RUNX3: variants seen among roughly 807,000 people sequenced by gnomAD.
RUNX3 encodes the protein runt-related transcription factor 3.
In RUNX3, 10 loss-of-function variants were observed where a neutral mutation model predicts 27.7. That is an observed-to-expected ratio of 0.36 (90% CI 0.22 to 0.61). RUNX3 has a LOEUF of 0.61. RUNX3 is among the 20% of genes least tolerant of loss of function. The pLI is 0.72. For missense variants in RUNX3, 469 were observed against 629.5 expected, an observed-to-expected ratio of 0.75 and a Z score of 2.73; for synonymous variants, 270 against 269.2, an observed-to-expected ratio of 1.00 and a Z score of -0.03.
intron 2 of RUNX3, among the ~76,000 whole-genome samples, chr1:24,946,503 G>C (rs1395170933): frequency 1.3e-5 from 2 of 151,030 alleles, no homozygotes; most frequent in Non-Finnish European, 2.9e-5. Context: ...TTTTCTTAAA[G>C]CCTCCCTGAT....
chr1:24,924,798 G>T (rs1641068252), intron 2 of RUNX3, among the ~76,000 whole-genome samples: 1 of 152,300 alleles, frequency 6.6e-6, no homozygotes, highest in Admixed American at 6.5e-5. Context: ...GAATAGTAAG[G>T]CTTGATATAA....
chr1:24,964,620 T>C (rs914826794), exon 2 of RUNX3: 1 of 1,584,946 alleles, frequency 6.3e-7, no homozygotes, highest in Non-Finnish European at 8.6e-7. Flanking sequence ...GGGGGTTGGG[T>C]TGGGATTCAC....
At position 24,908,289 on chromosome 1, in the gene RUNX3, G is replaced by A. The variant is rs559778797; in HGVS notation, c.545-872C>T. Among the ~76,000 whole-genome samples, 204 of 149,108 alleles carry A rather than the reference G, an allele frequency of 1.4e-3. 6 individuals carry two copies. The highest frequency in any genetic ancestry group is 4.9e-3 in the African/African-American group (190 of 39,088). On this transcript the variant is annotated intron_variant, in intron 3 of 4. Coordinates refer to ENST00000308873, the MANE Select transcript of RUNX3 (RefSeq NM_004350.3). ...GCGGTGATCCAAACCTCTACGACATGTGGTGATCCAAACCTCTACGACACA... is the reference window on the plus strand; with the variant it reads ...GCGGTGATCCAAACCTCTACGACATATGGTGATCCAAACCTCTACGACACA...
intron 2 of RUNX3, among the ~76,000 whole-genome samples, chr1:24,925,859 C>T (rs1473101779): frequency 6.6e-6 from 1 of 152,142 alleles, no homozygotes; most frequent in Non-Finnish European, 1.5e-5. Context: ...GGACAAGCTC[C>T]CAACCAACGC....
intron 2 of RUNX3, among the ~76,000 whole-genome samples, chr1:24,949,277 G>T (rs943116926): frequency 6.6e-6 from 1 of 152,120 alleles, no homozygotes; most frequent in Non-Finnish European, 1.5e-5. Flanking sequence ...CCCCCTCAGG[G>T]TGTAAGAAGC....
At position 24,908,272 on chromosome 1, in the gene RUNX3, C is replaced by CTGAACCTCTACGA. The variant is rs1412102029; in HGVS notation, c.545-856_545-855insTCGTAGAGGTTCA. ...CTGAACCTCTACGACACGCGGTGAT[C>CTGAACCTCTACGA]CAAACCTCTACGACATGTGGTGATC... On this transcript the variant is annotated intron_variant, in intron 3 of 4. Coordinates refer to ENST00000308873, the MANE Select transcript of RUNX3 (RefSeq NM_004350.3). Among the ~76,000 whole-genome samples, 8 of 150,318 alleles carry CTGAACCTCTACGA rather than the reference C, an allele frequency of 5.3e-5. 1 individual carries two copies. The highest frequency in any genetic ancestry group is 2.0e-4 in the African/African-American group (8 of 39,956).
intron 2 of RUNX3, among the ~76,000 whole-genome samples, chr1:24,920,742 C>T (rs928867939): frequency 1.2e-4 from 19 of 152,270 alleles, no homozygotes; most frequent in African/African-American, 4.3e-4. Context: ...TTCTATTTCT[C>T]GTTCTTCTAT....
At chr1:24,956,098 C>A (rs1162647187) in intron 2 of RUNX3, among the ~76,000 whole-genome samples, 2 of 152,356 alleles carry the variant, frequency 1.3e-5, no homozygotes, top group South Asian at 2.1e-4. Flanking sequence ...CACAGCCCGA[C>A]AGGGCAGAGC....
intron 3 of RUNX3, among the ~76,000 whole-genome samples, chr1:24,908,490 T>TA (rs1287787811): frequency 2.7e-4 from 38 of 139,890 alleles, no homozygotes; most frequent in South Asian, 6.8e-4. Context: ...GTACAAAAAT[T>TA]AAAAAAAAAA....
intron 2 of RUNX3, among the ~76,000 whole-genome samples, chr1:24,953,025 C>A (rs1571357242): frequency 6.6e-6 from 1 of 151,948 alleles, no homozygotes; most frequent in Non-Finnish European, 1.5e-5. Context: ...ATTACTAAAG[C>A]AGTACGTGCT....
chr1:24,936,041 C>T (rs774419151), intron 2 of RUNX3, among the ~76,000 whole-genome samples: 2 of 152,198 alleles, frequency 1.3e-5, no homozygotes, highest in Non-Finnish European at 2.9e-5. Flanking sequence ...TGCAGAGCTA[C>T]CTGCCAGCAG....
chr1:24,921,401 ACTCCAG>A (rs1261652977), intron 2 of RUNX3, among the ~76,000 whole-genome samples: 3 of 152,126 alleles, frequency 2.0e-5, no homozygotes, highest in Non-Finnish European at 4.4e-5. Flanking sequence ...ACTGAGTGTC[ACTCCAG>A]CTGGGAAATG....
intron 2 of RUNX3, among the ~76,000 whole-genome samples, chr1:24,925,004 G>A (rs1221962742): frequency 2.0e-5 from 3 of 152,164 alleles, no homozygotes; most frequent in African/African-American, 4.8e-5. Flanking sequence ...AATTCAGACA[G>A]AATGTAGAAC....
At chr1:24,948,133 GGA>G (rs961661329) in intron 2 of RUNX3, among the ~76,000 whole-genome samples, 3 of 152,242 alleles carry the variant, frequency 2.0e-5, no homozygotes, top group African/African-American at 7.2e-5. Flanking sequence ...CCAGTGGACA[GGA>G]GCTCGTGGCA....
chr1:24,931,012 G>A (rs551002636), upstream of RUNX3, among the ~76,000 whole-genome samples: 1 of 152,194 alleles, frequency 6.6e-6, no homozygotes, highest in Non-Finnish European at 1.5e-5. Context: ...CAGGCCTCGC[G>A]GCGTCGTTCT....
intron 1 of RUNX3, chr1:24,929,042 T>A (rs1446514280): frequency 6.6e-6 from 3 of 457,060 alleles, no homozygotes; most frequent in African/African-American, 4.0e-5. Flanking sequence ...CAACTCGCCA[T>A]TCGGGACGCA....
At chr1:24,949,483 G>A (rs1272196649) in intron 2 of RUNX3, among the ~76,000 whole-genome samples, 1 of 152,158 alleles carries the variant, frequency 6.6e-6, no homozygotes, top group Non-Finnish European at 1.5e-5. Flanking sequence ...GGATGTGAAC[G>A]AGACAGAGAG....
intron 2 of RUNX3, among the ~76,000 whole-genome samples, chr1:24,953,363 G>GAAA (rs71577738): frequency 3.3e-5 from 2 of 60,716 alleles, no homozygotes; most frequent in Non-Finnish European, 5.7e-5. Context: ...GACTCCGTCT[G>GAAA]AAAAAAAAAA....
rs540084935 is a variant in RUNX3, at chr1:24,904,871, C to T, written c.704-2205G>A. 1.8e-4 allele frequency among the ~76,000 whole-genome samples: 28 copies of T among 152,304 alleles called. No homozygotes were observed. Among genetic ancestry groups the T allele is most frequent in the Non-Finnish European group, 2.6e-4 (18 of 68,008 alleles). On this transcript the variant is annotated intron_variant, in intron 4 of 4. Transcript: ENST00000308873. This position sits in a 1 kb window ranked among gnomAD's most constrained non-coding sequence, Gnocchi z 5.7. ...TTGGAGCTCCTGTACCCCCACCCTG[C>T]GGCCTCGCAGCCCCAGGAAACCCGA...
Sources: gnomAD v4.1 joint callset for allele counts (sites outside exome capture counted in the v4.1 genomes callset) on GRCh38, gnomAD v4.1.1 for gene constraint, Gnocchi (gnomAD v3.1) non-coding constraint, MANE v1.5 for transcripts, NCBI Gene and HGNC (gene_info 2026-07-23, HGNC 2026-07-21) for gene names.